MXI1: variants seen among roughly 807,000 people sequenced by gnomAD.
MXI1 encodes MAX interactor 1, dimerization protein, also known as max-interacting protein 1.
In MXI1, 18 loss-of-function variants were observed where a neutral mutation model predicts 36.9. That is an observed-to-expected ratio of 0.49 (90% CI 0.34 to 0.72). The LOEUF (loss-of-function observed/expected upper bound fraction) is 0.72, where lower values mean the gene tolerates loss of function less well. Ranked by LOEUF, MXI1 falls within the 30% of genes least tolerant of loss-of-function variation. The pLI is 0.01. For missense variants in MXI1, 304 were observed against 379.1 expected (o/e 0.80, Z 1.64); for synonymous variants, 160 against 146.7 (o/e 1.09, Z -0.65).
intron 1 of MXI1, among the ~76,000 whole-genome samples, chr10:110,216,669 T>TTTGTTTTGTTTTGTTTTGTTTTTG (rs1854649559): frequency 1.1e-5 from 1 of 90,420 alleles, no homozygotes; most frequent in Non-Finnish European, 1.9e-5. Context: ...TTTAATGTTT[T>TTTGTTTTGTTTTGTTTTGTTTTTG]TTTTTTTTTT....
At chr10:110,245,415 T>C (rs1173577931) in intron 3 of MXI1, among the ~76,000 whole-genome samples, 1 of 152,124 alleles carries the variant, frequency 6.6e-6, no homozygotes, top group African/African-American at 2.4e-5. Flanking sequence ...AAGTACTATA[T>C]AATGTGGTAA....
chr10:110,239,208 C>T (rs939327478), intron 2 of MXI1, among the ~76,000 whole-genome samples: 1 of 152,160 alleles, frequency 6.6e-6, no homozygotes, highest in Non-Finnish European at 1.5e-5. Context: ...TCACAAAATG[C>T]CAGTAGCCTC....
intron 3 of MXI1, among the ~76,000 whole-genome samples, chr10:110,261,986 A>G (rs1250669136): frequency 6.6e-6 from 1 of 152,164 alleles, no homozygotes; most frequent in Non-Finnish European, 1.5e-5. Context: ...AGATGTGTAT[A>G]TGTGTATGTG....
intron 1 of MXI1, chr10:110,227,869 C>T (rs887175157): frequency 3.2e-6 from 1 of 315,254 alleles, no homozygotes; most frequent in African/African-American, 2.1e-5. Context: ...CAAGCGAAGT[C>T]AATGAGGTGA....
chr10:110,225,760 TC>T (rs2134344798), intron 1 of MXI1, among the ~76,000 whole-genome samples: 1 of 152,112 alleles, frequency 6.6e-6, no homozygotes, highest in African/African-American at 2.4e-5. Flanking sequence ...AGAAGCAAAG[TC>T]CCGCAACTTC....
intron 2 of MXI1, among the ~76,000 whole-genome samples, chr10:110,237,005 A>C (rs143111277): frequency 6.6e-6 from 1 of 152,004 alleles, no homozygotes; most frequent in Admixed American, 6.6e-5. Flanking sequence ...ACTTTATTAA[A>C]TTTTTCCTTA....
chr10:110,242,421 A>G (rs1463191536), intron 2 of MXI1, among the ~76,000 whole-genome samples: 1 of 152,050 alleles, frequency 6.6e-6, no homozygotes, highest in Non-Finnish European at 1.5e-5. Flanking sequence ...CCATCAAAAT[A>G]GGAGTAAACA....
At position 110,222,071 on chromosome 10, in the gene MXI1, C is replaced by T. The variant is rs117224806; in HGVS notation, c.275-6118C>T. 1.1e-3 allele frequency among the ~76,000 whole-genome samples: 168 copies of T among 152,162 alleles called. 4 individuals are homozygous for T. In the East Asian group the frequency reaches 0.026, roughly 23 times the overall value. On this transcript the variant is annotated intron_variant, in intron 1 of 5. Coordinates refer to ENST00000332674, the MANE Select transcript of MXI1 (RefSeq NM_130439.3). ...ACTTAGGCAAGGCTGACTCACTGGG[C>T]GAGGGAAAGGTTTTCTGCTGTTCTT...
chr10:110,241,234 C>T (rs1855657199), intron 2 of MXI1, among the ~76,000 whole-genome samples: 1 of 151,862 alleles, frequency 6.6e-6, no homozygotes, highest in South Asian at 2.1e-4. Flanking sequence ...ATGTCTTTGT[C>T]ATTGGAAGTT....
At chr10:110,276,746 T>G (rs750559689) in intron 3 of MXI1, among the ~76,000 whole-genome samples, 1 of 152,196 alleles carries the variant, frequency 6.6e-6, no homozygotes, top group Non-Finnish European at 1.5e-5. Flanking sequence ...TTCTAGGTTT[T>G]AGCAAGTATC....
In MXI1 at chr10:110,286,062, AAATG is replaced by A. The variant is rs1213719413; in HGVS notation, c.*1081_*1084del. On this transcript the variant is annotated 3_prime_UTR_variant, in exon 6 of 6. Coordinates refer to ENST00000332674, the MANE Select transcript of MXI1 (RefSeq NM_130439.3). ...CACACCTCACTCTTTATAGTGCACA[AAATG>A]AATGAGGTCTGGGCTAGGTAGAAAA... 6.6e-6 allele frequency: 1 copy of A among 152,628 alleles called. No individual in the cohort carries two copies. The highest frequency in any genetic ancestry group is 1.5e-5 in the Non-Finnish European group (1 of 68,028). The allele number at this position is 152,628 out of a possible 1,614,324, so 9.5% of individuals were successfully genotyped here.
At chr10:110,226,045 G>T in intron 1 of MXI1, 7 of 984,514 alleles carry the variant, frequency 7.1e-6, no homozygotes, top group Non-Finnish European at 8.4e-6. Context: ...CGGCTGGCGC[G>T]GCTGGGGCGG....
In MXI1 at chr10:110,226,657, T is replaced by TGA. The variant is rs200877856; in HGVS notation, c.275-1530_275-1529dup. On this transcript the variant is annotated intron_variant, in intron 1 of 5. Coordinates refer to ENST00000332674, the MANE Select transcript of MXI1 (RefSeq NM_130439.3). ...GGAGCAGGCGTGTAAGGGGGGCGTG[T>TGA]GAGGAGCGCGCGCGTGAGGGGAGGG... 8.2e-3 allele frequency among the ~76,000 whole-genome samples: 33 copies of TGA among 4,036 alleles called. 3 individuals are homozygous for TGA. Among genetic ancestry groups the TGA allele is most frequent in the South Asian group, 0.024 (2 of 82 alleles). 2.6% of individuals were successfully genotyped at this position (4,036 alleles called of 152,430 possible).
At chr10:110,268,873 G>T (rs7917093) in intron 3 of MXI1, among the ~76,000 whole-genome samples, 4 of 151,930 alleles carry the variant, frequency 2.6e-5, no homozygotes, top group Admixed American at 2.6e-4. Context: ...GGACTATGGC[G>T]TATTTTAAAT....
intron 3 of MXI1, among the ~76,000 whole-genome samples, chr10:110,247,819 A>G (rs1316310243): frequency 6.6e-6 from 1 of 152,164 alleles, no homozygotes; most frequent in Non-Finnish European, 1.5e-5. Flanking sequence ...TAGAAATACC[A>G]TTTGACCCAG....
At chr10:110,208,750 C>A (rs963852488) in intron 1 of MXI1, among the ~76,000 whole-genome samples, 16 of 149,554 alleles carry the variant, frequency 1.1e-4, no homozygotes, top group East Asian at 2.0e-4. Flanking sequence ...GCCCCCCCCC[C>A]CCCAAAGAAG....
chr10:110,252,659 G>T (rs1856139433), intron 3 of MXI1, among the ~76,000 whole-genome samples: 1 of 152,004 alleles, frequency 6.6e-6, no homozygotes, highest in South Asian at 2.1e-4. Context: ...TAAAATATAA[G>T]TTTCAGGAAG....
chr10:110,251,808 GCAT>G (rs1856101331), intron 3 of MXI1, among the ~76,000 whole-genome samples: 1 of 152,120 alleles, frequency 6.6e-6, no homozygotes, highest in Admixed American at 6.6e-5. Context: ...CAGGAATGTA[GCAT>G]CATAAGCTGT....
At chr10:110,229,185 G>A (rs1855170742) in intron 2 of MXI1, among the ~76,000 whole-genome samples, 1 of 152,254 alleles carries the variant, frequency 6.6e-6, no homozygotes, top group Non-Finnish European at 1.5e-5. Flanking sequence ...CATCTCATAG[G>A]AAGTTTTCAA....
Sources: allele counts gnomAD v4.1 joint callset (sites outside exome capture counted in the v4.1 genomes callset), GRCh38; gene constraint gnomAD v4.1.1; transcripts MANE v1.5; gene names NCBI Gene and HGNC (gene_info 2026-07-23, HGNC 2026-07-21).